DCC: variants seen among roughly 807,000 people sequenced by gnomAD.
DCC encodes the protein DCC netrin 1 receptor, also known as netrin receptor DCC.
DCC carries 58 observed loss-of-function variants against 172.5 expected under a neutral mutation model. The ratio of observed to expected loss-of-function variants is 0.34; its 90% CI spans 0.27 to 0.42. The LOEUF is 0.42. Among genes scored for constraint, DCC ranks in the 10% least tolerant of loss-of-function variants. The pLI is 1.00. For synonymous variants in DCC, 709 were observed against 644.5 expected (o/e 1.10, Z -1.52); for missense variants, 1,740 against 1,791.0 (o/e 0.97, Z 0.51).
intron 1 of DCC, among the ~76,000 whole-genome samples, chr18:52,377,408 A>G (rs1985394576): frequency 6.6e-6 from 1 of 152,172 alleles, no homozygotes; most frequent in South Asian, 2.1e-4. Flanking sequence ...TATTCCCTTA[A>G]GTAATTTTGC....
intron 5 of DCC, among the ~76,000 whole-genome samples, chr18:52,977,658 G>C (rs909766157): frequency 3.9e-5 from 6 of 152,066 alleles, no homozygotes; most frequent in Admixed American, 2.0e-4. Flanking sequence ...GGCCGAGGCG[G>C]GTGGATCATG....
chr18:52,928,723 G>A (rs774438660), intron 5 of DCC, among the ~76,000 whole-genome samples: 8 of 152,140 alleles, frequency 5.3e-5, no homozygotes, highest in Non-Finnish European at 8.8e-5. Context: ...CTTGCCTTCT[G>A]TGCTTCTGTA....
rs1352528809 is a variant in DCC at position 52,700,351 on chromosome 18, TCACATGCACACACA to T, written c.92-51688_92-51675del. On this transcript the variant is annotated intron_variant, in intron 1 of 28. Transcript: ENST00000442544. ...GGAATGCACACCCATGCACACTCAC[TCACATGCACACACA>T]CACATGCACACACATGCACACTCAT... Among the ~76,000 whole-genome samples the T allele has an allele frequency of 7.4e-4, 97 of 131,312 alleles. 2 individuals carry two copies. The East Asian group carries it at 0.017, about 24-fold the overall frequency. 86.1% of individuals were successfully genotyped at this position (131,312 alleles called of 152,430 possible). A position where few individuals can be genotyped will look rare whatever the true frequency, so the allele number is the denominator to read the frequency against.
At chr18:53,269,301 A>C (rs933912961) in intron 12 of DCC, among the ~76,000 whole-genome samples, 2 of 152,216 alleles carry the variant, frequency 1.3e-5, no homozygotes, top group African/African-American at 4.8e-5. Context: ...ACACACATAC[A>C]CGAATTTTTC....
chr18:53,251,314 A>G (rs2056429411), intron 12 of DCC, among the ~76,000 whole-genome samples: 1 of 151,974 alleles, frequency 6.6e-6, no homozygotes, highest in South Asian at 2.1e-4. Flanking sequence ...CTACTGTACA[A>G]TATCTGTCTT....
chr18:53,479,549 A>T (rs2045807335), intron 25 of DCC, among the ~76,000 whole-genome samples: 1 of 152,242 alleles, frequency 6.6e-6, no homozygotes, highest in African/African-American at 2.4e-5. Context: ...CAGTAGAGTT[A>T]TGCAGACACA....
intron 7 of DCC, among the ~76,000 whole-genome samples, chr18:53,115,853 A>G (rs1255518519): frequency 6.6e-6 from 1 of 151,584 alleles, no homozygotes; most frequent in African/African-American, 2.4e-5. Context: ...TTTAAGACGA[A>G]TATTTTTCTT....
chr18:52,437,227 G>A (rs1490658777), intron 1 of DCC, among the ~76,000 whole-genome samples: 3 of 152,194 alleles, frequency 2.0e-5, no homozygotes, highest in Non-Finnish European at 4.4e-5. Flanking sequence ...ATGGGAGATA[G>A]GGCTCTGAAA....
chr18:52,930,505 G>A (rs902322122), intron 5 of DCC, among the ~76,000 whole-genome samples: 16 of 152,114 alleles, frequency 1.1e-4, no homozygotes, highest in African/African-American at 3.9e-4. Flanking sequence ...TGAAGGAAAA[G>A]TATCCCAGAA....
intron 1 of DCC, among the ~76,000 whole-genome samples, chr18:52,449,263 G>A (rs1423652124): frequency 3.3e-5 from 5 of 152,230 alleles, no homozygotes; most frequent in Non-Finnish European, 5.9e-5. Context: ...GAGAATTCAA[G>A]ATGAGATTTG....
intron 12 of DCC, among the ~76,000 whole-genome samples, chr18:53,230,024 A>G (rs1328529416): frequency 1.3e-5 from 2 of 152,132 alleles, no homozygotes; most frequent in Admixed American, 1.3e-4. Context: ...AGATGATTAC[A>G]AAGATGAGGC....
intron 7 of DCC, among the ~76,000 whole-genome samples, chr18:53,150,958 G>A (rs1173089766): frequency 2.0e-5 from 3 of 152,166 alleles, no homozygotes; most frequent in East Asian, 1.9e-4. Context: ...AGCTGATATG[G>A]AAGGAGTAAT....
chr18:53,188,288 G>A (rs2055315380), intron 9 of DCC, among the ~76,000 whole-genome samples: 1 of 152,172 alleles, frequency 6.6e-6, no homozygotes, highest in Non-Finnish European at 1.5e-5. Flanking sequence ...GTACAGGCAT[G>A]CTTATCCTAA....
chr18:52,733,762 C>T (rs2036682611), intron 1 of DCC, among the ~76,000 whole-genome samples: 1 of 152,126 alleles, frequency 6.6e-6, no homozygotes, highest in Non-Finnish European at 1.5e-5. Context: ...TCCCAAAGTG[C>T]TGGGATTACA....
rs933903800 is a variant in DCC, at chr18:53,087,758, C to T, written c.1261+21592C>T. On this transcript the variant is annotated intron_variant, in intron 7 of 28. Coordinates refer to ENST00000442544, the MANE Select transcript of DCC (RefSeq NM_005215.4). ...TAGGTCTAACGTTTAAGTCTTTAAT[C>T]CATCTTGAATTAATTTTTATATAAG... Among the ~76,000 whole-genome samples the T allele has an allele frequency of 2.0e-5, 3 of 152,198 alleles. No individual in the cohort carries two copies. The South Asian group carries it at 6.2e-4, about 32-fold the overall frequency.
intron 1 of DCC, among the ~76,000 whole-genome samples, chr18:52,616,768 T>G (rs2144851614): frequency 6.6e-6 from 1 of 152,240 alleles, no homozygotes; most frequent in Admixed American, 6.5e-5. Flanking sequence ...TTATTTGCCC[T>G]AGAATCATGA....
chr18:53,206,464 A>G (rs2055644092), intron 10 of DCC, among the ~76,000 whole-genome samples: 1 of 127,168 alleles, frequency 7.9e-6, no homozygotes, highest in South Asian at 2.3e-4. Context: ...TGTATGTGTT[A>G]TATATAGTAT....
rs370537393 is a variant in DCC at position 53,351,291 on chromosome 18, G to GTGTATA, written c.2359+11385_2359+11386insGTATAT. On this transcript the variant is annotated intron_variant, in intron 15 of 28. Coordinates refer to ENST00000442544, the MANE Select transcript of DCC (RefSeq NM_005215.4). ...AGAAAAGATCTTCTCATTGAGTACA[G>GTGTATA]TATATATATATATATATATATATAC... Among the ~76,000 whole-genome samples, 72 of 34,450 alleles carry GTGTATA rather than the reference G, an allele frequency of 2.1e-3. 1 individual carries two copies. In the East Asian group the frequency reaches 0.035, roughly 17 times the overall value. The allele number at this position is 34,450 out of a possible 152,430, so 22.6% of individuals were successfully genotyped here.
intron 5 of DCC, among the ~76,000 whole-genome samples, chr18:52,944,951 T>G (rs757549070): frequency 6.6e-6 from 1 of 152,230 alleles, no homozygotes; most frequent in Non-Finnish European, 1.5e-5. Flanking sequence ...ATATCTCAAA[T>G]AGCTTCTCAT....
Sources: allele counts gnomAD v4.1 joint callset (sites outside exome capture counted in the v4.1 genomes callset), GRCh38; gene constraint gnomAD v4.1.1; transcripts MANE v1.5; gene names NCBI Gene and HGNC (gene_info 2026-07-23, HGNC 2026-07-21).